The following ADAM12 variants were observed in gnomAD, a reference collection of about 807,000 sequenced individuals.
The protein encoded by ADAM12 is disintegrin and metalloproteinase domain-containing protein 12.
ADAM12 carries 70 observed loss-of-function variants against 106.4 expected under a neutral mutation model. The ratio of observed to expected loss-of-function variants is 0.66; its 90% CI spans 0.54 to 0.80. The LOEUF is 0.80. Among genes scored for constraint, ADAM12 ranks in the 30% least tolerant of loss-of-function variants. The probability of loss-of-function intolerance (pLI) is 0.00; values close to 1 mark genes in which losing one functional copy is unlikely to be tolerated. For missense variants in ADAM12, 1,010 were observed against 1,171.9 expected (o/e 0.86, Z 2.02); for synonymous variants, 420 against 433.5 (o/e 0.97, Z 0.39).
intron 2 of ADAM12, among the ~76,000 whole-genome samples, chr10:126,299,647 C>CT (rs553569187): frequency 1.4e-3 from 203 of 149,416 alleles, no homozygotes; most frequent in South Asian, 3.8e-3. Context: ...TACCATTCAG[C>CT]TTTTTTTTTT....
chr10:126,152,130 A>G (rs1428042947), intron 4 of ADAM12, among the ~76,000 whole-genome samples: 3 of 151,590 alleles, frequency 2.0e-5, no homozygotes, highest in African/African-American at 7.3e-5. Flanking sequence ...ATTTTCAGTG[A>G]CTTGCTTTAT....
intron 2 of ADAM12, among the ~76,000 whole-genome samples, chr10:126,281,852 A>G (rs537231504): frequency 6.6e-6 from 1 of 152,362 alleles, no homozygotes. Flanking sequence ...TTTGGCAGTA[A>G]TTGCTGCTCT....
intron 3 of ADAM12, among the ~76,000 whole-genome samples, chr10:126,198,867 C>CTG (rs1366811981): frequency 6.6e-6 from 1 of 152,170 alleles, no homozygotes; most frequent in African/African-American, 2.4e-5. Flanking sequence ...AAACTCCCAG[C>CTG]TGTGGTGAGA....
intron 14 of ADAM12, among the ~76,000 whole-genome samples, chr10:126,051,073 A>G (rs960197656): frequency 6.6e-6 from 1 of 151,956 alleles, no homozygotes; most frequent in Non-Finnish European, 1.5e-5. Context: ...TAGGGACCTG[A>G]TTTGTCCGCA....
chr10:126,156,881 A>G (rs1956826436), intron 3 of ADAM12, among the ~76,000 whole-genome samples: 1 of 152,212 alleles, frequency 6.6e-6, no homozygotes. Context: ...CTCTAAACAG[A>G]ACCTGGGTTT....
chr10:126,165,061 T>A lies in ADAM12; in HGVS notation c.261-9756A>T, dbSNP rs139378229. 3.9e-4 allele frequency among the ~76,000 whole-genome samples: 60 copies of A among 152,354 alleles called. No individual in the cohort carries two copies. In the Middle Eastern group the frequency reaches 0.01, roughly 26 times the overall value. ...TGGTCTGGGTTCTCATCTTAAAGAA[T>A]GAAAGCAAAGCATCGCGGCCACCAC... is the stretch of plus-strand genomic sequence containing the variant. On this transcript the variant is annotated intron_variant, in intron 3 of 22. Transcript: ENST00000448723.
chr10:126,356,553 G>A (rs148634669), intron 1 of ADAM12, among the ~76,000 whole-genome samples: 36 of 152,172 alleles, frequency 2.4e-4, no homozygotes, highest in African/African-American at 7.7e-4. Flanking sequence ...CCCCAAATGC[G>A]CAAAAACCAG....
intron 2 of ADAM12, among the ~76,000 whole-genome samples, chr10:126,322,355 A>G (rs1198792839): frequency 1.3e-5 from 2 of 152,210 alleles, no homozygotes; most frequent in Admixed American, 6.5e-5. Context: ...GATCCCAGTA[A>G]CTGCCAGTTT....
intron 11 of ADAM12, among the ~76,000 whole-genome samples, chr10:126,089,728 C>T (rs1455509827): frequency 6.6e-6 from 1 of 152,076 alleles, no homozygotes; most frequent in Non-Finnish European, 1.5e-5. Flanking sequence ...CCCCACAGCC[C>T]CAAGGCTCCT....
At chr10:126,236,731 C>CACAGGAAGGAGCACCT (rs1157140698) in intron 3 of ADAM12, among the ~76,000 whole-genome samples, 1 of 151,298 alleles carries the variant, frequency 6.6e-6, no homozygotes, top group African/African-American at 2.4e-5. Context: ...AAGGAGTACT[C>CACAGGAAGGAGCACCT]ACAGGAAGGA....
At chr10:126,240,934 G>C (rs1461039396) in intron 3 of ADAM12, among the ~76,000 whole-genome samples, 1 of 152,224 alleles carries the variant, frequency 6.6e-6, no homozygotes, top group Non-Finnish European at 1.5e-5. Flanking sequence ...TATGGCATAG[G>C]CCAAACTCCT....
chr10:126,225,222 C>A (rs548791742), intron 3 of ADAM12, among the ~76,000 whole-genome samples: 1 of 152,326 alleles, frequency 6.6e-6, no homozygotes, highest in South Asian at 2.1e-4. Context: ...AGCTGGCTGC[C>A]TTTGCTAAAG....
chr10:126,051,591 A>ATCCATCCATCCC (rs1369314711), intron 14 of ADAM12, among the ~76,000 whole-genome samples: 5 of 140,886 alleles, frequency 3.5e-5, no homozygotes, highest in Middle Eastern at 7.3e-3. Context: ...CCATCCATCC[A>ATCCATCCATCCC]GCCAGCCAGC....
In ADAM12 at chr10:126,330,515, T is replaced by G; in HGVS notation, c.89-6A>C. 6.2e-7 allele frequency: 1 copy of G among 1,612,022 alleles called. No homozygotes were observed. Among genetic ancestry groups the G allele is most frequent in the Non-Finnish European group, 8.5e-7 (1 of 1,179,332 alleles). ...TTGGTTCCATAAGCTCACCCCTGAA[T>G]CAAAAGGAAAACAGCCCTATATTTC... On this transcript the variant is annotated splice_region_variant and splice_polypyrimidine_tract_variant and intron_variant, in intron 1 of 22. Transcript: ENST00000448723.
intron 20 of ADAM12, among the ~76,000 whole-genome samples, chr10:126,036,859 C>T (rs1954069104): frequency 1.3e-5 from 2 of 152,158 alleles, no homozygotes; most frequent in African/African-American, 4.8e-5. Flanking sequence ...CAGGCTTCTA[C>T]CCCTTCCTTC....
chr10:126,046,113 C>A lies in ADAM12; in HGVS notation c.1937G>T (p.Cys646Phe). 6.2e-7 allele frequency: 1 copy of A among 1,614,146 alleles called. No homozygotes were observed. Among genetic ancestry groups the A allele is most frequent in the Non-Finnish European group, 8.5e-7 (1 of 1,180,000 alleles). Residue 646 changes from cysteine to phenylalanine, a missense_variant, in exon 17 of 23, where the codon TGT becomes TTT. Physicochemically the swap from Cys to Phe is radical, Grantham distance 205 (BLOSUM62 -2). Around this residue, in one of 3 missense-constraint regions of ADAM12, gnomAD observed 615 missense variants for 708.5 expected, o/e 0.87. Coordinates refer to ENST00000448723, the MANE Select transcript of ADAM12 (RefSeq NM_001288973.2). ...AACCCCAAAGACACTAATATTTTGA[C>A]ATTGACGATTCAGGCAGATCTGTAG... is the stretch of plus-strand genomic sequence containing the variant. ...ADGKICLNRQCQNISVFGVHE... is the reference protein window; with the variant it reads ...ADGKICLNRQFQNISVFGVHE...
chr10:126,254,466 C>T (rs866133775), intron 3 of ADAM12, among the ~76,000 whole-genome samples: 1 of 152,210 alleles, frequency 6.6e-6, no homozygotes, highest in Admixed American at 6.5e-5. Flanking sequence ...GAGCAACTGA[C>T]AACACTTCCT....
At chr10:126,170,876 A>G (rs1440979686) in intron 3 of ADAM12, among the ~76,000 whole-genome samples, 4 of 152,210 alleles carry the variant, frequency 2.6e-5, no homozygotes, top group African/African-American at 9.6e-5. Flanking sequence ...GCTTCAAAAA[A>G]CAAAACAAAA....
intron 2 of ADAM12, among the ~76,000 whole-genome samples, chr10:126,303,356 C>T (rs564836731): frequency 6.6e-6 from 1 of 152,298 alleles, no homozygotes; most frequent in East Asian, 1.9e-4. Context: ...GCAAAACTGT[C>T]ATTTTCCCTT....
Sources: gnomAD v4.1 joint callset for allele counts (sites outside exome capture counted in the v4.1 genomes callset) on GRCh38, gnomAD v4.1.1 for gene constraint, gnomAD v4.1.1 regional missense constraint, MANE v1.5 for transcripts, NCBI Gene and HGNC (gene_info 2026-07-23, HGNC 2026-07-21) for gene names.